LYRM9: variants seen among roughly 807,000 people sequenced by gnomAD.
The protein encoded by LYRM9 is LYR motif containing 9.
In LYRM9, 14 loss-of-function variants were observed where a neutral mutation model predicts 12.6. The ratio of observed to expected loss-of-function variants is 1.11; its 90% confidence interval spans 0.73 to 1.73. The LOEUF (loss-of-function observed/expected upper bound fraction) is 1.73. LYRM9 is among the 40% of genes most tolerant of loss of function. The pLI, the probability that LYRM9 is intolerant of heterozygous loss-of-function variation, is 0.00. For synonymous variants in LYRM9, 42 were observed against 35.1 expected, an observed-to-expected ratio of 1.20 and a Z score of -0.69; for missense variants, 94 against 95.0, an observed-to-expected ratio of 0.99 and a Z score of 0.04.
In LYRM9 at chr17:27,883,956, G is replaced by A. The variant is rs552395120; in HGVS notation, c.-18-1244C>T. ...ATAAGTGCTGCCACAGGTACACACC[G>A]GAGAAGCCACCGTCATAATCAAGAG... On this transcript the variant is annotated intron_variant, in intron 1 of 3. Coordinates refer to ENST00000379102, the MANE Select transcript of LYRM9 (RefSeq NM_001076680.3). 2.4e-4 allele frequency among the ~76,000 whole-genome samples: 36 copies of A among 148,664 alleles called. No individual in the cohort carries two copies. In the South Asian group the frequency reaches 5.1e-3, roughly 21 times the overall value.
chr17:27,879,569 T>C, intron 3 of LYRM9, 79 bp from the exon 4 acceptor site: 1 of 1,490,132 alleles, frequency 6.7e-7, no homozygotes, highest in Non-Finnish European at 9.1e-7. Flanking sequence ...CAGGCCTCCA[T>C]CATCTGGACC....
intron 3 of LYRM9, 124 bp downstream of exon 3, chr17:27,880,150 G>A: frequency 1.3e-6 from 1 of 762,980 alleles, no homozygotes; most frequent in South Asian, 1.5e-5. Context: ...GGAAGCAGCT[G>A]GCTGGTGGCC....
At chr17:27,883,026 G>A (rs747463837) in intron 1 of LYRM9, 4 of 492,108 alleles carry the variant, frequency 8.1e-6, no homozygotes, top group Non-Finnish European at 1.7e-5. Flanking sequence ...GGGTAGAAAA[G>A]CAGGAAGACC....
intron 1 of LYRM9, chr17:27,891,980 GGA>G (rs1480328265): frequency 6.9e-6 from 1 of 144,410 alleles, no homozygotes; most frequent in African/African-American, 2.6e-5. Flanking sequence ...CACCCAGGCT[GGA>G]GTACAGTAGC....
chr17:27,879,137 A>G lies in LYRM9; in HGVS notation c.*336T>C. ...TACCTGAGGGGACATCTGCTCTGGG[A>G]CTCAGAGAATGATAAAGAGATCTCC... On this transcript the variant is annotated 3_prime_UTR_variant, in exon 4 of 4. Coordinates refer to ENST00000379102, the MANE Select transcript of LYRM9 (RefSeq NM_001076680.3). 2 of 256,242 alleles carry G rather than the reference A, an allele frequency of 7.8e-6. No individual in the cohort carries two copies. Among genetic ancestry groups the G allele is most frequent in the Non-Finnish European group, 1.5e-5 (2 of 132,566 alleles). The allele number at this position is 256,242 out of a possible 1,614,324, so 15.9% of individuals were successfully genotyped here.
At chr17:27,883,835 TAAAAAAAAAAAAAAAAAA>T (rs781375467) in intron 1 of LYRM9, among the ~76,000 whole-genome samples, 22 of 24,578 alleles carry the variant, frequency 9.0e-4, no homozygotes, top group East Asian at 8.6e-3. Context: ...AGCCTTTTTC[TAAAAAAAAAAAAAAAAAA>T]AAAAAAAAAA....
At chr17:27,884,475 G>A (rs1183965748) in intron 1 of LYRM9, among the ~76,000 whole-genome samples, 3 of 152,204 alleles carry the variant, frequency 2.0e-5, no homozygotes, top group Non-Finnish European at 4.4e-5. Context: ...CAGCTCCCTG[G>A]CCGTGGACTC....
Position 27,882,633 on chromosome 17 carries a change from A to G in LYRM9, c.62T>C (p.Leu21Pro), listed in dbSNP as rs775958214. 11 of 1,602,158 alleles carry G rather than the reference A, an allele frequency of 6.9e-6. No individual in the cohort carries two copies. Residue 21 changes from leucine (L) to proline (P), a missense_variant, in exon 2 of 4, where the codon CTG becomes CCG. By Grantham distance (98) the Leu-to-Pro change is moderately conservative. Coordinates refer to ENST00000379102, the MANE Select transcript of LYRM9 (RefSeq NM_001076680.3). ...GGTCGGCAGCTGCTGGCAACAGCGCAGCAAGTATCGGTAGAGCTGCAGTGG... is the reference window on the plus strand; with the variant it reads ...GGTCGGCAGCTGCTGGCAACAGCGCGGCAAGTATCGGTAGAGCTGCAGTGG... ...RRPLQLYRYL[L>P]RCCQQLPTKG...
In LYRM9 at chr17:27,879,223, C is replaced by A; in HGVS notation, c.*250G>T. ...AACAAAAACACAAAAATAAAAAACA[C>A]ACAAAAGAAGCAAAAAAATACTACA... On this transcript the variant is annotated 3_prime_UTR_variant, in exon 4 of 4. Coordinates refer to ENST00000379102, the MANE Select transcript of LYRM9 (RefSeq NM_001076680.3). 3 of 432,966 alleles carry A rather than the reference C, an allele frequency of 6.9e-6. No individual in the cohort carries two copies. Among genetic ancestry groups the A allele is most frequent in the Non-Finnish European group, 8.2e-6 (2 of 244,498 alleles). The allele number at this position is 432,966 out of a possible 1,614,324, so 26.8% of individuals were successfully genotyped here.
At chr17:27,879,965 C>T (rs902151773) in intron 3 of LYRM9, 4 of 624,848 alleles carry the variant, frequency 6.4e-6, no homozygotes, top group Non-Finnish European at 1.1e-5. Flanking sequence ...ACAGTGCCAC[C>T]GCCGGCTCTG....
chr17:27,882,385 C>A (rs1002059484), intron 2 of LYRM9, among the ~76,000 whole-genome samples, 184 bp downstream of exon 2: 2 of 152,202 alleles, frequency 1.3e-5, no homozygotes, highest in Non-Finnish European at 2.9e-5. Context: ...CTGGGTGAGG[C>A]ACCCTCTGTT....
At chr17:27,891,388 G>A (rs1171320409) in intron 1 of LYRM9, among the ~76,000 whole-genome samples, 8 of 152,194 alleles carry the variant, frequency 5.3e-5, no homozygotes, top group South Asian at 2.1e-4. Flanking sequence ...CTGTCAATGC[G>A]GTCCCTAATA....
chr17:27,880,396 T>A (rs1160916074), intron 2 of LYRM9, 30 bp from the exon 3 acceptor site: 4 of 1,549,590 alleles, frequency 2.6e-6, no homozygotes, highest in Non-Finnish European at 3.5e-6. Flanking sequence ...GAAAGATGAC[T>A]AGGCAAAATT....
intron 3 of LYRM9, chr17:27,879,773 T>C (rs977848028): frequency 1.8e-6 from 1 of 544,074 alleles, no homozygotes; most frequent in African/African-American, 1.9e-5. Context: ...ATGGTCACAC[T>C]CCAACTCTCT....
At chr17:27,880,505 T>C (rs1284448419) in intron 2 of LYRM9, 139 bp from the exon 3 acceptor site, 2 of 630,166 alleles carry the variant, frequency 3.2e-6, no homozygotes, top group African/African-American at 3.7e-5. Context: ...ACTGTTATGA[T>C]TATCCCACAC....
chr17:27,881,120 C>G (rs755044848), intron 2 of LYRM9: 1 of 152,020 alleles, frequency 6.6e-6, no homozygotes, highest in Non-Finnish European at 1.5e-5. Context: ...GCCTGTAATC[C>G]CAGCTACTCG....
chr17:27,893,250 C>A, intron 1 of LYRM9, 67 bp downstream of exon 1: 1 of 153,160 alleles, frequency 6.5e-6, no homozygotes, highest in South Asian at 1.9e-4. Context: ...CCCCGCCACC[C>A]AGTGGCTCCG....
At chr17:27,885,142 C>T (rs190181759) in intron 1 of LYRM9, among the ~76,000 whole-genome samples, 13 of 152,258 alleles carry the variant, frequency 8.5e-5, no homozygotes, top group African/African-American at 2.9e-4. Context: ...AGGTCTTGGC[C>T]CAGAAGGTCT....
chr17:27,890,337 A>G (rs927391360), intron 1 of LYRM9, among the ~76,000 whole-genome samples: 1 of 152,102 alleles, frequency 6.6e-6, no homozygotes. Context: ...ACCTTGCTCC[A>G]TGCCTTTCTG....
Sources: allele counts gnomAD v4.1 joint callset (sites outside exome capture counted in the v4.1 genomes callset), GRCh38; gene constraint gnomAD v4.1.1; transcripts MANE v1.5; gene names NCBI Gene and HGNC (gene_info 2026-07-23, HGNC 2026-07-21).